LIMS1: variants seen among roughly 807,000 people sequenced by gnomAD.
LIMS1 encodes the protein LIM zinc finger domain containing 1.
A neutral mutation model predicts 44.1 loss-of-function variants in LIMS1; 18 were observed. That is an observed-to-expected ratio of 0.41 (90% confidence interval 0.28 to 0.61). The LOEUF (loss-of-function observed/expected upper bound fraction) is 0.61. Among genes scored for constraint, LIMS1 ranks in the 20% least tolerant of loss-of-function variants. The probability of loss-of-function intolerance (pLI) is 0.32; values close to 1 mark genes in which losing one functional copy is unlikely to be tolerated. For missense variants in LIMS1, 201 were observed against 422.0 expected (o/e 0.48, Z 4.59); for synonymous variants, 93 against 149.1 (o/e 0.62, Z 2.74).
At chr2:108,657,682 G>A (rs1346084677) in intron 1 of LIMS1, among the ~76,000 whole-genome samples, 1 of 152,312 alleles carries the variant, frequency 6.6e-6, no homozygotes, top group African/African-American at 2.4e-5. Flanking sequence ...ATTTTAACAT[G>A]AGGCTTGGGC....
At chr2:108,674,746 A>G (rs1246843360) in intron 5 of LIMS1, among the ~76,000 whole-genome samples, 1 of 147,560 alleles carries the variant, frequency 6.8e-6, no homozygotes, top group Non-Finnish European at 1.5e-5. Flanking sequence ...AAAGAGAAAG[A>G]AAGAAAACAG....
chr2:108,614,276 C>A (rs1187924626), intron 1 of LIMS1, among the ~76,000 whole-genome samples: 1 of 152,202 alleles, frequency 6.6e-6, no homozygotes, highest in Admixed American at 6.5e-5. Flanking sequence ...CGCGAACTGC[C>A]CTGAACTTGC....
At chr2:108,678,052 T>A in intron 8 of LIMS1, 25 bp downstream of exon 8, 1 of 1,608,688 alleles carries the variant, frequency 6.2e-7, no homozygotes, top group Non-Finnish European at 8.5e-7. Flanking sequence ...GAGTTTTAGA[T>A]TGGTGCCACT....
chr2:108,629,293 A>G (rs1688760820), intron 1 of LIMS1, among the ~76,000 whole-genome samples: 1 of 152,248 alleles, frequency 6.6e-6, no homozygotes, highest in Non-Finnish European at 1.5e-5. Context: ...AAGAAGATGT[A>G]TAGGATTGTT....
chr2:108,571,504 C>G (rs1327383066), intron 1 of LIMS1, among the ~76,000 whole-genome samples: 1 of 152,188 alleles, frequency 6.6e-6, no homozygotes, highest in African/African-American at 2.4e-5. Flanking sequence ...AAATATACCT[C>G]TTTGAAAATA....
At chr2:108,535,996 T>C (rs1322190339) in intron 1 of LIMS1, among the ~76,000 whole-genome samples, 1 of 152,178 alleles carries the variant, frequency 6.6e-6, no homozygotes, top group Non-Finnish European at 1.5e-5. Flanking sequence ...TTTGTACTCC[T>C]TCATCATGGA....
intron 2 of LIMS1, 28 bp from the exon 3 acceptor site, chr2:108,670,753 T>C: frequency 6.2e-7 from 1 of 1,612,022 alleles, no homozygotes; most frequent in Non-Finnish European, 8.5e-7. Flanking sequence ...GTTTCGTGTT[T>C]GTAAGTTGGT....
chr2:108,574,099 G>A (rs1049468582), intron 1 of LIMS1, among the ~76,000 whole-genome samples: 3 of 152,030 alleles, frequency 2.0e-5, no homozygotes, highest in Non-Finnish European at 4.4e-5. Flanking sequence ...ATTTATGTGT[G>A]GATTTTGCTT....
At chr2:108,601,787 G>GT (rs1481650544) in intron 1 of LIMS1, among the ~76,000 whole-genome samples, 1 of 152,228 alleles carries the variant, frequency 6.6e-6, no homozygotes, top group Non-Finnish European at 1.5e-5. Context: ...AGAGTGCTGG[G>GT]ATTATAGGTG....
intron 1 of LIMS1, among the ~76,000 whole-genome samples, chr2:108,609,792 C>CT (rs921021909): frequency 3.3e-5 from 5 of 152,210 alleles, no homozygotes; most frequent in African/African-American, 1.2e-4. Context: ...GACCTTCTGG[C>CT]TTTAAGGAAG....
chr2:108,636,019 G>A (rs1000648041), intron 1 of LIMS1, among the ~76,000 whole-genome samples: 1 of 152,178 alleles, frequency 6.6e-6, no homozygotes, highest in African/African-American at 2.4e-5. Context: ...TTAATATAAA[G>A]ATAGAATTAC....
chr2:108,612,992 C>T (rs957944628), intron 1 of LIMS1, among the ~76,000 whole-genome samples: 2 of 152,080 alleles, frequency 1.3e-5, no homozygotes, highest in Non-Finnish European at 2.9e-5. Flanking sequence ...ATGACTGAAA[C>T]AGGAATCTTT....
Position 108,577,504 on chromosome 2 carries a change from T to G in LIMS1, c.32+42910T>G, listed in dbSNP as rs34491750. Among the ~76,000 whole-genome samples, 1,269 of 152,362 alleles carry G rather than the reference T, an allele frequency of 8.3e-3. 8 individuals are homozygous for G. The highest frequency in any genetic ancestry group is 0.013 in the Non-Finnish European group (913 of 68,038). On this transcript the variant is annotated intron_variant, in intron 1 of 9. Coordinates refer to ENST00000544547, the Ensembl canonical transcript of LIMS1. ...TGATATGGTAGTCATTGGGTAAATA[T>G]TCACTGAAATGAAAATGGAAGTTTT...
At chr2:108,552,718 A>G (rs1369799504) in intron 1 of LIMS1, among the ~76,000 whole-genome samples, 1 of 151,780 alleles carries the variant, frequency 6.6e-6, no homozygotes, top group East Asian at 1.9e-4. Context: ...CTGGGACTAC[A>G]GGCATGTGCC....
intron 1 of LIMS1, among the ~76,000 whole-genome samples, chr2:108,557,862 A>C (rs1451693895): frequency 1.3e-5 from 2 of 152,184 alleles, no homozygotes; most frequent in African/African-American, 4.8e-5. Context: ...ATGATTCTTG[A>C]AGTTGTTGAT....
intron 1 of LIMS1, among the ~76,000 whole-genome samples, chr2:108,577,236 T>C (rs918154942): frequency 6.6e-6 from 1 of 152,248 alleles, no homozygotes; most frequent in Non-Finnish European, 1.5e-5. Flanking sequence ...AGTTACTCCC[T>C]GAGAATTCCC....
chr2:108,542,061 T>C (rs914429186), intron 1 of LIMS1, among the ~76,000 whole-genome samples: 21 of 152,240 alleles, frequency 1.4e-4, no homozygotes, highest in African/African-American at 3.9e-4. Context: ...TTATTTCTCC[T>C]TTTATTTGTT....
intron 1 of LIMS1, among the ~76,000 whole-genome samples, chr2:108,551,667 CAT>C (rs1684718750): frequency 7.3e-6 from 1 of 136,792 alleles, no homozygotes; most frequent in Admixed American, 7.5e-5. Flanking sequence ...TGTATATACA[CAT>C]ATATACATAT....
chr2:108,651,337 G>A (rs1690471069), intron 1 of LIMS1, among the ~76,000 whole-genome samples: 1 of 152,234 alleles, frequency 6.6e-6, no homozygotes, highest in Admixed American at 6.5e-5. Flanking sequence ...TGTGATAGAA[G>A]ACAATCTAGC....
Sources: allele counts gnomAD v4.1 joint callset (sites outside exome capture counted in the v4.1 genomes callset), GRCh38; gene constraint gnomAD v4.1.1; transcripts MANE v1.5; gene names NCBI Gene and HGNC (gene_info 2026-07-23, HGNC 2026-07-21).